Variants in TOMM7 observed in about 807,000 individuals in gnomAD.
The protein encoded by TOMM7 is translocase of outer mitochondrial membrane 7, also known as mitochondrial import receptor subunit TOM7 homolog.
A neutral mutation model predicts 9.5 loss-of-function variants in TOMM7; 8 were observed. That is an observed-to-expected ratio of 0.84 (90% confidence interval 0.49 to 1.51). TOMM7 has a LOEUF of 1.51. TOMM7 is among the 40% of genes most tolerant of loss of function. The pLI, the probability that TOMM7 is intolerant of heterozygous loss-of-function variation, is 0.00. For synonymous variants in TOMM7, 27 were observed against 21.4 expected (o/e 1.26, Z -0.72); for missense variants, 74 against 63.7 (o/e 1.16, Z -0.55).
intron 1 of TOMM7, among the ~76,000 whole-genome samples, chr7:22,820,301 G>A (rs1782369506): frequency 2.6e-5 from 4 of 152,228 alleles, no homozygotes; most frequent in Admixed American, 2.6e-4. Context: ...ATGTTGGGGT[G>A]AAAATCACCG....
chr7:22,818,146 GGATA>G lies in TOMM7; in HGVS notation c.104-102_104-99del, dbSNP rs1266777914. The G allele has an allele frequency of 5.0e-6, 6 of 1,189,378 alleles. No individual in the cohort carries two copies. The African/African-American group carries it at 6.0e-5, about 12-fold the overall frequency. The allele number at this position is 1,189,378 out of a possible 1,614,324, so 73.7% of individuals were successfully genotyped here. The stretch of plus-strand genomic sequence containing the variant: ...TTTTTCTTCTTTGTAATCCAACCTA[GGATA>G]GTTAGAATGATATCTAGACCAACCA... On this transcript the variant is annotated intron_variant, in intron 1 of 2. Transcript: ENST00000358435.
chr7:22,818,078 TATTA>T (rs1253736176), intron 1 of TOMM7, 30 bp from the exon 2 acceptor site: 1 of 1,604,576 alleles, frequency 6.2e-7, no homozygotes. Context: ...AGAGAAAAAA[TATTA>T]ATTAAAACCC....
intron 1 of TOMM7, among the ~76,000 whole-genome samples, chr7:22,818,906 C>T (rs56913154): frequency 0.036 from 5,498 of 151,742 alleles, 147 homozygotes; most frequent in African/African-American, 0.07. Context: ...ACCACCATGC[C>T]TGGAGGAAAA....
At chr7:22,820,961 T>C (rs182445501) in intron 1 of TOMM7, among the ~76,000 whole-genome samples, 1 of 152,242 alleles carries the variant, frequency 6.6e-6, no homozygotes, top group East Asian at 1.9e-4. Flanking sequence ...GACACCTAAA[T>C]TAAATAGGAA....
In TOMM7 at chr7:22,813,123, C is replaced by T. The variant is rs758408755; in HGVS notation, c.*47G>A. ...TATCCGAGCCAGAGCACACATCTTC[C>T]ATGCTGTCCGCTGATTGCCTCCAAA... On this transcript the variant is annotated 3_prime_UTR_variant, in exon 3 of 3. Coordinates refer to ENST00000358435, the MANE Select transcript of TOMM7 (RefSeq NM_019059.5). The T allele has an allele frequency of 1.2e-6, 2 of 1,608,320 alleles. No homozygotes were observed. The highest frequency in any genetic ancestry group is 1.7e-6 in the Non-Finnish European group (2 of 1,174,772).
intron 1 of TOMM7, 32 bp from the exon 2 acceptor site, chr7:22,818,080 T>C: frequency 6.3e-7 from 1 of 1,599,992 alleles, no homozygotes; most frequent in South Asian, 1.1e-5. Context: ...AGAAAAAATA[T>C]TAATTAAAAC....
intron 1 of TOMM7, chr7:22,822,045 A>G (rs1562674454): frequency 1.6e-6 from 2 of 1,287,944 alleles, no homozygotes; most frequent in Non-Finnish European, 1.0e-6. Flanking sequence ...GTGCGCTATA[A>G]TGGTTAAGAC....
At chr7:22,815,591 A>G (rs1346817426) in intron 2 of TOMM7, among the ~76,000 whole-genome samples, 1 of 152,220 alleles carries the variant, frequency 6.6e-6, no homozygotes, top group Non-Finnish European at 1.5e-5. Context: ...GATGAGGGTC[A>G]TTAGTTAATT....
chr7:22,820,860 A>G (rs1464279662), intron 1 of TOMM7, among the ~76,000 whole-genome samples: 3 of 152,212 alleles, frequency 2.0e-5, no homozygotes, highest in African/African-American at 7.2e-5. Context: ...TTTAAGTTCT[A>G]TAATCCCAGG....
Position 22,822,802 on chromosome 7 carries a change from GAGGACCCCTT to G in TOMM7, c.-33_-24del. On this transcript the variant is annotated 5_prime_UTR_variant, in exon 1 of 3. Transcript: ENST00000358435. ...CATGGCGACGGCCGTGTGGCGCAGG[GAGGACCCCTT>G]ACAGCAACCACAGCGTCGGGAATCC... 6.3e-7 allele frequency: 1 copy of G among 1,597,288 alleles called. No individual in the cohort carries two copies. Among genetic ancestry groups the G allele is most frequent in the Non-Finnish European group, 8.6e-7 (1 of 1,164,722 alleles).
intron 1 of TOMM7, among the ~76,000 whole-genome samples, chr7:22,820,445 T>A (rs1296384176): frequency 1.3e-5 from 2 of 152,188 alleles, no homozygotes; most frequent in Non-Finnish European, 2.9e-5. Flanking sequence ...AGCTACAGCT[T>A]TCTAGCAATA....
chr7:22,822,374 A>C, intron 1 of TOMM7: 2 of 1,245,322 alleles, frequency 1.6e-6, no homozygotes, highest in Non-Finnish European at 2.2e-6. Flanking sequence ...TGAATTAGTG[A>C]CTTTCACATC....
intron 2 of TOMM7, among the ~76,000 whole-genome samples, chr7:22,817,000 G>A (rs2286502): frequency 0.08 from 12,096 of 152,144 alleles, 1,008 homozygotes; most frequent in East Asian, 0.48. Context: ...GTAAAAGTTC[G>A]AAGAAAATGA....
chr7:22,820,796 A>G (rs12532922), intron 1 of TOMM7, among the ~76,000 whole-genome samples: 34,393 of 152,136 alleles, frequency 0.23, 4,312 homozygotes, highest in Middle Eastern at 0.34. Flanking sequence ...TAAAATCTAG[A>G]AAAGTAATGT....
At chr7:22,815,310 C>T (rs1049418841) in intron 2 of TOMM7, among the ~76,000 whole-genome samples, 1 of 152,132 alleles carries the variant, frequency 6.6e-6, no homozygotes, top group African/African-American at 2.4e-5. Flanking sequence ...TATCCTAAAT[C>T]ACCCAGGGCA....
chr7:22,819,516 A>G (rs745787828), intron 1 of TOMM7, among the ~76,000 whole-genome samples: 19 of 152,194 alleles, frequency 1.2e-4, no homozygotes, highest in Non-Finnish European at 2.5e-4. Context: ...GATTACAGGC[A>G]TGCGCCACTA....
intron 1 of TOMM7, among the ~76,000 whole-genome samples, chr7:22,820,801 T>C (rs1050803459): frequency 2.0e-5 from 3 of 152,200 alleles, no homozygotes; most frequent in African/African-American, 7.2e-5. Flanking sequence ...TCTAGAAAAG[T>C]AATGTTTTTT....
At chr7:22,817,690 TA>T (rs1290771520) in intron 2 of TOMM7, 9 of 251,372 alleles carry the variant, frequency 3.6e-5, no homozygotes, top group Admixed American at 2.1e-4. Flanking sequence ...CAGAGCGATA[TA>T]AAAGGTTGTA....
At chr7:22,815,909 G>A (rs1373579427) in intron 2 of TOMM7, among the ~76,000 whole-genome samples, 4 of 152,222 alleles carry the variant, frequency 2.6e-5, no homozygotes, top group East Asian at 3.9e-4. Context: ...CAGAAGGGGC[G>A]ACATTTGAGA....
Sources: allele counts gnomAD v4.1 joint callset (sites outside exome capture counted in the v4.1 genomes callset), GRCh38; gene constraint gnomAD v4.1.1; transcripts MANE v1.5; gene names NCBI Gene and HGNC (gene_info 2026-07-23, HGNC 2026-07-21).